Variants in ANKRD11 observed in about 807,000 individuals in gnomAD.
ANKRD11 encodes the protein ankyrin repeat domain-containing protein 11.
Under a neutral mutation model 195.7 loss-of-function variants are expected in ANKRD11, and 17 were observed. The observed-to-expected ratio is 0.09, with a 90% CI of 0.06 to 0.13. The LOEUF (loss-of-function observed/expected upper bound fraction) is 0.13, where lower values mean the gene tolerates loss of function less well. Ranked by LOEUF, ANKRD11 falls within the 10% of genes least tolerant of loss-of-function variation. The pLI, the probability that ANKRD11 is intolerant of heterozygous loss-of-function variation, is 1.00. For missense variants in ANKRD11, 3,735 were observed against 3,566.1 expected (o/e 1.05, Z -1.21); for synonymous variants, 1,953 against 1,528.1 (o/e 1.28, Z -6.49).
Position 89,280,828 on chromosome 16 carries a change from C to T in ANKRD11, c.5714G>A (p.Gly1905Glu). The part of the protein sequence containing the change: ...RAELLVPSLE[G>E]ALPPDLDTSE... ...GGTGTCCAGGTCCGGGGGAAGGGCC[C>T]CTTCGAGGGAAGGAACCAGCAGCTC... Residue 1905 changes from glycine to glutamate, a missense_variant, in exon 9 of 13, where the codon GGG becomes GAG. Physicochemically the swap from Gly to Glu is moderately conservative, Grantham distance 98. Transcript: ENST00000301030. 2 of 1,601,198 alleles carry T rather than the reference C, an allele frequency of 1.2e-6. No individual in the cohort carries two copies. Among genetic ancestry groups the T allele is most frequent in the Non-Finnish European group, 1.7e-6 (2 of 1,170,330 alleles).
chr16:89,476,656 C>CA (rs1254065086), intron 1 of ANKRD11, among the ~76,000 whole-genome samples: 1 of 152,044 alleles, frequency 6.6e-6, no homozygotes, highest in Non-Finnish European at 1.5e-5. Context: ...ACTAGCCTGC[C>CA]AAAAAAGACT....
chr16:89,430,772 A>G (rs2042944180), intron 1 of ANKRD11, among the ~76,000 whole-genome samples: 1 of 152,230 alleles, frequency 6.6e-6, no homozygotes, highest in Admixed American at 6.5e-5. Flanking sequence ...CTGTAACAAA[A>G]GAAACATCAC....
At chr16:89,334,239 G>A (rs1355469391) in intron 2 of ANKRD11, among the ~76,000 whole-genome samples, 1 of 150,148 alleles carries the variant, frequency 6.7e-6, no homozygotes, top group Non-Finnish European at 1.5e-5. Flanking sequence ...AATGTCTGAT[G>A]CCTGGCCTAG....
chr16:89,434,862 G>T (rs1023943849), intron 1 of ANKRD11, among the ~76,000 whole-genome samples: 3 of 152,230 alleles, frequency 2.0e-5, no homozygotes, highest in Non-Finnish European at 4.4e-5. Flanking sequence ...AGGAAGTTAT[G>T]CTCTAACTGG....
chr16:89,349,134 T>TAAAAA (rs59621400), intron 2 of ANKRD11, among the ~76,000 whole-genome samples: 274 of 16,562 alleles, frequency 0.017, 17 homozygotes, highest in African/African-American at 0.022. Context: ...TCTCAAAAAG[T>TAAAAA]AAAAAAAAAA....
intron 2 of ANKRD11, among the ~76,000 whole-genome samples, chr16:89,360,035 T>C (rs2039666907): frequency 1.3e-5 from 2 of 152,134 alleles, no homozygotes; most frequent in African/African-American, 2.4e-5. Context: ...CAGTTATCTT[T>C]TCTGCTCCTC....
chr16:89,369,930 C>T (rs1274488345), intron 2 of ANKRD11, among the ~76,000 whole-genome samples: 1 of 152,178 alleles, frequency 6.6e-6, no homozygotes, highest in Non-Finnish European at 1.5e-5. Context: ...CAAACAAAAA[C>T]CAAACACGGG....
intron 2 of ANKRD11, among the ~76,000 whole-genome samples, chr16:89,400,111 T>C (rs1273942513): frequency 6.2e-5 from 1 of 16,260 alleles, no homozygotes; most frequent in Non-Finnish European, 9.3e-5. Flanking sequence ...TGGGGGACGG[T>C]CATCTGCTGC....
At chr16:89,313,321 G>A in intron 3 of ANKRD11, 2 of 1,287,242 alleles carry the variant, frequency 1.6e-6, no homozygotes, top group Non-Finnish European at 2.0e-6. Context: ...GCACACCTTT[G>A]GATCAGAACA....
At chr16:89,288,055 G>C (rs1270279408) in intron 7 of ANKRD11, 2 of 555,940 alleles carry the variant, frequency 3.6e-6, no homozygotes, top group Non-Finnish European at 6.4e-6. Flanking sequence ...AGACCTCTCA[G>C]TGCCCACTGC....
At chr16:89,364,190 G>A (rs765281381) in intron 2 of ANKRD11, among the ~76,000 whole-genome samples, 1 of 152,200 alleles carries the variant, frequency 6.6e-6, no homozygotes, top group African/African-American at 2.4e-5. Context: ...CGAGGACCCT[G>A]CCACTTCCAC....
At chr16:89,443,980 G>C (rs1178360711) in intron 1 of ANKRD11, among the ~76,000 whole-genome samples, 2 of 152,190 alleles carry the variant, frequency 1.3e-5, no homozygotes, top group Non-Finnish European at 2.9e-5. Context: ...CTGTCAGGCT[G>C]AACAGGGAGG....
At chr16:89,324,159 C>T in intron 2 of ANKRD11, 1 of 1,082,458 alleles carries the variant, frequency 9.2e-7, no homozygotes, top group South Asian at 1.6e-5. Flanking sequence ...TTTCCACTCA[C>T]ATTTTCTGTT....
chr16:89,281,112 G>T lies in ANKRD11; in HGVS notation c.5430C>A (p.Phe1810Leu), dbSNP rs1304931927. 14 of 1,611,752 alleles carry T rather than the reference G, an allele frequency of 8.7e-6. No homozygotes were observed. Among genetic ancestry groups the T allele is most frequent in the Non-Finnish European group, 1.2e-5 (14 of 1,178,152 alleles). ...EEEFSVGDKL[F>L]RQQSVPAASS... is the part of the protein sequence containing the mutation. The stretch of plus-strand genomic sequence containing the variant: ...AGGCAGCAGGAACGCTCTGCTGCCT[G>T]AAGAGCTTGTCTCCGACGCTGAATT... The change falls in exon 9 of 13, where the codon TTC (phenylalanine) becomes TTA (leucine). Residue 1810 changes from phenylalanine to leucine, a missense_variant. Coordinates refer to ENST00000301030, the MANE Select transcript of ANKRD11 (RefSeq NM_013275.6). This position sits in a 1 kb window ranked among gnomAD's most constrained non-coding sequence, Gnocchi z 5.5.
intron 2 of ANKRD11, among the ~76,000 whole-genome samples, chr16:89,323,604 C>T (rs114014001): frequency 3.6e-4 from 13 of 35,762 alleles, no homozygotes; most frequent in East Asian, 2.2e-3. Flanking sequence ...GGGCTGAGCC[C>T]GGGGCAGGGG....
chr16:89,287,899 C>T (rs1186885072), intron 7 of ANKRD11: 2 of 374,424 alleles, frequency 5.3e-6, no homozygotes, highest in Non-Finnish European at 9.6e-6. Context: ...CTCAGCCTTG[C>T]TGTCCTGCCT....
chr16:89,322,552 G>C (rs1252714439), intron 2 of ANKRD11, among the ~76,000 whole-genome samples: 4 of 152,224 alleles, frequency 2.6e-5, no homozygotes. Context: ...GAAAAGGGGA[G>C]GGAAGCCCTT....
chr16:89,355,619 A>G (rs956176269), intron 2 of ANKRD11, among the ~76,000 whole-genome samples: 6 of 152,232 alleles, frequency 3.9e-5, no homozygotes, highest in Non-Finnish European at 7.3e-5. Context: ...ATGTCACAGT[A>G]TCGCCAGGAT....
intron 1 of ANKRD11, among the ~76,000 whole-genome samples, chr16:89,441,603 T>TA (rs1428830289): frequency 6.6e-6 from 1 of 151,366 alleles, no homozygotes; most frequent in African/African-American, 2.4e-5. Flanking sequence ...CCACCTCTAC[T>TA]AAAAATACAA....
Sources: gnomAD v4.1 joint callset for allele counts (sites outside exome capture counted in the v4.1 genomes callset) on GRCh38, gnomAD v4.1.1 for gene constraint, Gnocchi (gnomAD v3.1) non-coding constraint, MANE v1.5 for transcripts, NCBI Gene and HGNC (gene_info 2026-07-23, HGNC 2026-07-21) for gene names.